KDM4C: variants seen among roughly 807,000 people sequenced by gnomAD.
KDM4C encodes the protein lysine-specific demethylase 4C.
Under a neutral mutation model 129.3 loss-of-function variants are expected in KDM4C, and 81 were observed. That is an observed-to-expected ratio of 0.63 (90% CI 0.52 to 0.75). The LOEUF (loss-of-function observed/expected upper bound fraction) is 0.75, where lower values mean the gene tolerates loss of function less well. Among genes scored for constraint, KDM4C ranks in the 30% least tolerant of loss-of-function variants. The pLI, the probability that KDM4C is intolerant of heterozygous loss-of-function variation, is 0.00. For synonymous variants in KDM4C, 573 were observed against 456.1 expected, an observed-to-expected ratio of 1.26 and a Z score of -3.26; for missense variants, 1,457 against 1,304.0, an observed-to-expected ratio of 1.12 and a Z score of -1.81.
intron 8 of KDM4C, among the ~76,000 whole-genome samples, chr9:6,946,195 A>G (rs1207574691): frequency 2.0e-5 from 3 of 152,184 alleles, no homozygotes; most frequent in Non-Finnish European, 2.9e-5. Flanking sequence ...TTGACAATCT[A>G]TATTTAAAGA....
chr9:7,140,162 C>T (rs1174218909), intron 19 of KDM4C, among the ~76,000 whole-genome samples: 1 of 151,950 alleles, frequency 6.6e-6, no homozygotes, highest in African/African-American at 2.4e-5. Context: ...CAGCTGTGAC[C>T]AATTATTAGT....
intron 15 of KDM4C, among the ~76,000 whole-genome samples, chr9:7,022,637 C>CTTTTTTTTTTT (rs375675040): frequency 1.9e-4 from 25 of 133,948 alleles, no homozygotes; most frequent in Non-Finnish European, 2.7e-4. Flanking sequence ...CCCTTTATTT[C>CTTTTTTTTTTT]TTTTTTTTTT....
chr9:7,162,517 C>T (rs1843911593), intron 19 of KDM4C, among the ~76,000 whole-genome samples: 2 of 152,156 alleles, frequency 1.3e-5, no homozygotes, highest in African/African-American at 2.4e-5. Context: ...AGAATTGTCA[C>T]TTAGTAAAGT....
At chr9:7,141,411 A>G (rs906754735) in intron 19 of KDM4C, among the ~76,000 whole-genome samples, 1 of 152,212 alleles carries the variant, frequency 6.6e-6, no homozygotes, top group Non-Finnish European at 1.5e-5. Flanking sequence ...GCTTGCCTGA[A>G]TACTGGGAGG....
intron 18 of KDM4C, chr9:7,105,296 G>C (rs575909883): frequency 6.3e-5 from 23 of 362,548 alleles, no homozygotes; most frequent in Non-Finnish European, 9.7e-5. Flanking sequence ...TTCACACTTA[G>C]ATTCTGCCAG....
intron 14 of KDM4C, among the ~76,000 whole-genome samples, chr9:7,014,915 AACACACACACACACACAC>A (rs55864882): frequency 1.9e-4 from 28 of 146,168 alleles, no homozygotes; most frequent in Non-Finnish European, 3.9e-4. Context: ...GGCAATTTGT[AACACACACACACACACAC>A]ACACACACAC....
At chr9:6,968,110 A>G (rs1831317297) in intron 8 of KDM4C, among the ~76,000 whole-genome samples, 1 of 152,090 alleles carries the variant, frequency 6.6e-6, no homozygotes, top group African/African-American at 2.4e-5. Context: ...TGATCTATTA[A>G]TTATGTTTTA....
At chr9:7,067,512 A>G (rs1349911521) in intron 17 of KDM4C, among the ~76,000 whole-genome samples, 1 of 152,220 alleles carries the variant, frequency 6.6e-6, no homozygotes, top group African/African-American at 2.4e-5. Context: ...TCAGCCTGAG[A>G]CATACAAGGT....
chr9:6,970,347 G>C (rs1755930036), intron 8 of KDM4C, among the ~76,000 whole-genome samples: 1 of 152,112 alleles, frequency 6.6e-6, no homozygotes, highest in Non-Finnish European at 1.5e-5. Flanking sequence ...ACTTACTTAT[G>C]AACCTTGGTC....
At chr9:7,155,662 C>G (rs956152058) in intron 19 of KDM4C, among the ~76,000 whole-genome samples, 4 of 152,200 alleles carry the variant, frequency 2.6e-5, no homozygotes, top group African/African-American at 9.6e-5. Context: ...CTAGCTTCAT[C>G]CATGTCCCTT....
chr9:6,780,952 G>C (rs1824210412), intron 1 of KDM4C, among the ~76,000 whole-genome samples: 1 of 151,732 alleles, frequency 6.6e-6, no homozygotes, highest in Non-Finnish European at 1.5e-5. Flanking sequence ...ATCTTTCTTG[G>C]GGCCTTGCAT....
chr9:6,842,135 T>C (rs1262105087), intron 4 of KDM4C, among the ~76,000 whole-genome samples: 1 of 152,106 alleles, frequency 6.6e-6, no homozygotes, highest in Non-Finnish European at 1.5e-5. Context: ...GTTGGACAAA[T>C]ATATGATTCA....
intron 7 of KDM4C, among the ~76,000 whole-genome samples, chr9:6,892,654 A>G (rs1033815391): frequency 9.2e-5 from 14 of 152,226 alleles, no homozygotes; most frequent in Non-Finnish European, 2.1e-4. Flanking sequence ...ACAAGAATTC[A>G]TGATATAGCC....
intron 2 of KDM4C, among the ~76,000 whole-genome samples, chr9:6,797,010 A>G (rs1179831155): frequency 1.4e-5 from 2 of 148,032 alleles, no homozygotes; most frequent in African/African-American, 5.0e-5. Flanking sequence ...TTTTTTTGAG[A>G]CAGGGTCTTG....
At chr9:6,855,790 A>G (rs541895131) in intron 5 of KDM4C, among the ~76,000 whole-genome samples, 3 of 152,370 alleles carry the variant, frequency 2.0e-5, no homozygotes, top group East Asian at 1.9e-4. Flanking sequence ...AGCAAGTTAT[A>G]TGGTGCCAAA....
At chr9:6,788,251 T>G (rs1004914810) in intron 1 of KDM4C, among the ~76,000 whole-genome samples, 14 of 152,342 alleles carry the variant, frequency 9.2e-5, no homozygotes, top group Middle Eastern at 3.4e-3. Flanking sequence ...TGTCAGGACT[T>G]TGTTCCCTGG....
At chr9:6,757,828 C>G (rs1818499410), upstream of KDM4C, 2 of 985,530 alleles carry the variant, frequency 2.0e-6, no homozygotes, top group African/African-American at 3.5e-5. Context: ...AAGATGCGCG[C>G]CAGCAAGCCT....
intron 17 of KDM4C, among the ~76,000 whole-genome samples, chr9:7,064,203 A>G (rs1832096042): frequency 6.6e-6 from 1 of 152,330 alleles, no homozygotes. Flanking sequence ...ATACGTTATA[A>G]GTGTAAATAC....
In KDM4C at chr9:7,005,290, C is replaced by G. The variant is rs550262375; in HGVS notation, c.1787-6408C>G. 1.1e-4 allele frequency among the ~76,000 whole-genome samples: 16 copies of G among 152,138 alleles called. No individual in the cohort carries two copies. The South Asian group carries it at 2.1e-3, about 20-fold the overall frequency. On this transcript the variant is annotated intron_variant, in intron 12 of 21. Coordinates refer to ENST00000381309, the MANE Select transcript of KDM4C (RefSeq NM_015061.6). ...ATCTCTACTAAAAATACAAAGTTAG[C>G]CGGGCGTGGTGGCGCATGCCTGTAA...
Sources: gnomAD v4.1 joint callset for allele counts (sites outside exome capture counted in the v4.1 genomes callset) on GRCh38, gnomAD v4.1.1 for gene constraint, MANE v1.5 for transcripts, NCBI Gene and HGNC (gene_info 2026-07-23, HGNC 2026-07-21) for gene names.